Variants in ASB10 observed in about 807,000 individuals in gnomAD.
ASB10 encodes ankyrin repeat and SOCS box protein 10.
Under a neutral mutation model 35.4 loss-of-function variants are expected in ASB10, and 44 were observed. That is an observed-to-expected ratio of 1.24 (90% CI 0.98 to 1.60). The LOEUF (loss-of-function observed/expected upper bound fraction) is 1.60, where lower values mean the gene tolerates loss of function less well. ASB10 is among the 40% of genes most tolerant of loss of function. The pLI, the probability that ASB10 is intolerant of heterozygous loss-of-function variation, is 0.00. For synonymous variants in ASB10, 294 were observed against 280.4 expected (o/e 1.05, Z -0.49); for missense variants, 647 against 634.3 (o/e 1.02, Z -0.22).
chr7:151,183,878 G>T (rs930149219), intron 2 of ASB10, among the ~76,000 whole-genome samples: 3 of 152,126 alleles, frequency 2.0e-5, no homozygotes, highest in African/African-American at 7.2e-5. Flanking sequence ...GAGCCACTGC[G>T]CCCGGCCTCA....
chr7:151,186,360 G>C (rs757421848), intron 2 of ASB10, 32 bp downstream of exon 2: 1 of 1,551,784 alleles, frequency 6.4e-7, no homozygotes, highest in East Asian at 2.4e-5. Flanking sequence ...CCTTCAGAGT[G>C]GAACTGGGGG....
At chr7:151,187,737 G>T, upstream of ASB10, 1 of 1,457,794 alleles carries the variant, frequency 6.9e-7, no homozygotes, top group South Asian at 1.4e-5. This position sits in a 1 kb window ranked among gnomAD's most constrained non-coding sequence, Gnocchi z 5.3. Context: ...TGTTCTGGGA[G>T]AGCCAAAGCA....
chr7:151,182,839 G>C (rs1801519787), intron 2 of ASB10, among the ~76,000 whole-genome samples: 1 of 152,160 alleles, frequency 6.6e-6, no homozygotes, highest in African/African-American at 2.4e-5. Flanking sequence ...ACACTTGGCA[G>C]GGGGAGTGGG....
At chr7:151,179,071 A>T (rs1801440808) in intron 3 of ASB10, among the ~76,000 whole-genome samples, 1 of 152,224 alleles carries the variant, frequency 6.6e-6, no homozygotes, top group Non-Finnish European at 1.5e-5. Flanking sequence ...ATGTCCAATG[A>T]TACCCTCATT....
At chr7:151,178,677 G>T (rs966433386) in intron 3 of ASB10, among the ~76,000 whole-genome samples, 4 of 152,220 alleles carry the variant, frequency 2.6e-5, no homozygotes, top group African/African-American at 9.6e-5. Flanking sequence ...CTGTCTGTCA[G>T]ACGAGAGTAC....
chr7:151,182,406 C>T (rs181182670), intron 2 of ASB10, among the ~76,000 whole-genome samples: 467 of 152,146 alleles, frequency 3.1e-3, no homozygotes, highest in Non-Finnish European at 4.9e-3. Flanking sequence ...GGTGAACCCC[C>T]GTCTCTACTA....
chr7:151,187,102 C>T lies in ASB10; in HGVS notation c.29G>A (p.Cys10Tyr), dbSNP rs1305528217. The T allele has an allele frequency of 1.3e-6, 2 of 1,598,436 alleles. No individual in the cohort carries two copies. The highest frequency in any genetic ancestry group is 1.7e-6 in the Non-Finnish European group (2 of 1,172,748). Residue 10 changes from cysteine (C) to tyrosine (Y), a missense_variant, in exon 1 of 6, where the codon TGC becomes TAC. Cys to Tyr is a radical substitution (Grantham distance 194, BLOSUM62 -2). Transcript: ENST00000420175. The surrounding 1 kb of genome is among the most constrained non-coding windows in gnomAD (Gnocchi z 5.3). MLMSWSPEE[C>Y]KGQGEPLDDR... ...ATCGAGGGGCTCTCCCTGCCCCTTG[C>T]ACTCTTCTGGAGACCAACTCATGAG...
Position 151,181,150 on chromosome 7 carries a change from A to G in ASB10, c.893T>C (p.Leu298Pro), listed in dbSNP as rs761566214. 3.1e-6 allele frequency: 5 copies of G among 1,610,256 alleles called. No individual in the cohort carries two copies. Among genetic ancestry groups the G allele is most frequent in the Non-Finnish European group, 4.2e-6 (5 of 1,178,170 alleles). The change falls in exon 3 of 6, where the codon CTG (leucine) becomes CCG (proline). Residue 298 changes from leucine to proline, a missense_variant. Coordinates refer to ENST00000420175, the MANE Select transcript of ASB10 (RefSeq NM_001142459.2). Reference sequence around the variant, plus strand: ...ATGGCCACGGCGGCAGGCCAGGTGCAGGGGTCGCTGCTTGTCCTGGTCCGC... The same window carrying G: ...ATGGCCACGGCGGCAGGCCAGGTGCGGGGGTCGCTGCTTGTCCTGGTCCGC... ...DAADQDKQRP[L>P]HLACRRGHAA...
chr7:151,186,303 GTCCCTGACATTTTCCCCCATCC>G, intron 2 of ASB10, 67 bp downstream of exon 2: 1 of 1,454,116 alleles, frequency 6.9e-7, no homozygotes, highest in South Asian at 1.4e-5. Flanking sequence ...TCTGTCCCAG[GTCCCTGACATTTTCCCCCATCC>G]TCCCTGAGAA....
chr7:151,181,602 A>C (rs1801496217), intron 2 of ASB10, 144 bp from the exon 3 acceptor site: 28 of 1,306,414 alleles, frequency 2.1e-5, no homozygotes, highest in East Asian at 2.6e-5. Flanking sequence ...CTGCAAGATC[A>C]ACAGTGCCCT....
At position 151,181,309 on chromosome 7, in the gene ASB10, T is replaced by C. The variant is rs768167819; in HGVS notation, c.734A>G (p.Asn245Ser). 2 of 1,613,258 alleles carry C rather than the reference T, an allele frequency of 1.2e-6. No homozygotes were observed. Among genetic ancestry groups the C allele is most frequent in the East Asian group, 4.5e-5 (2 of 44,882 alleles). ...LRRGACPDAR[N>S]AEGWTPLLAA... The stretch of plus-strand genomic sequence containing the variant: ...CAGCAGTGGGGTCCAGCCTTCGGCA[T>C]TGCGGGCATCAGGACATGCCCCCCG... Residue 245 changes from asparagine to serine, a missense_variant, in exon 3 of 6, where the codon AAT (asparagine) becomes AGT (serine). Asn to Ser is a conservative substitution (Grantham distance 46). Coordinates refer to ENST00000420175, the MANE Select transcript of ASB10 (RefSeq NM_001142459.2).
chr7:151,177,768 A>C (rs1364428253), intron 3 of ASB10, among the ~76,000 whole-genome samples: 1 of 152,218 alleles, frequency 6.6e-6, no homozygotes, highest in East Asian at 1.9e-4. Flanking sequence ...GGTGGAACCT[A>C]GTTGGAGCCA....
At chr7:151,184,758 C>T (rs146222659) in intron 2 of ASB10, among the ~76,000 whole-genome samples, 4 of 152,056 alleles carry the variant, frequency 2.6e-5, no homozygotes, top group Admixed American at 2.0e-4. Context: ...CACGGTGGCT[C>T]GTGCCTGGAA....
rs191838657 is a variant in ASB10 at position 151,176,347 on chromosome 7, A to G, written c.1219-50T>C. The G allele has an allele frequency of 7.9e-4, 1,192 of 1,512,522 alleles. 1 individual carries two copies. Among genetic ancestry groups the G allele is most frequent in the Non-Finnish European group, 8.6e-4 (967 of 1,130,974 alleles). The allele number at this position is 1,512,522 out of a possible 1,614,324, so 93.7% of individuals were successfully genotyped here. A position where few individuals can be genotyped will look rare whatever the true frequency, so the allele number is the denominator to read the frequency against. On this transcript the variant is annotated intron_variant, in intron 4 of 5. Coordinates refer to ENST00000420175, the MANE Select transcript of ASB10 (RefSeq NM_001142459.2). ...TGAGAGGCAGCCTCAGACAGGTAGC[A>G]CCGGCTCCTCCTCACAGGGTAGGCT...
intron 2 of ASB10, among the ~76,000 whole-genome samples, chr7:151,183,299 G>A (rs943015665): frequency 6.6e-6 from 1 of 152,218 alleles, no homozygotes; most frequent in African/African-American, 2.4e-5. Context: ...CATCTACTCT[G>A]TAGGCTGAGG....
chr7:151,186,481 A>G lies in ASB10; in HGVS notation c.495T>C (p.His165=), dbSNP rs1281811765. The change falls in exon 2 of 6, where the codon CAT becomes CAC. Residue 165 remains histidine (H), a synonymous_variant. Coordinates refer to ENST00000420175, the MANE Select transcript of ASB10 (RefSeq NM_001142459.2). ...ACAAGHTACV[H]VLLVAGADPN... ...GGTCGGCTCCTGCCACCAGCAGCACATGAACACAGGCAGTGTGGCCTGCAG... is the reference window on the plus strand; with the variant it reads ...GGTCGGCTCCTGCCACCAGCAGCACGTGAACACAGGCAGTGTGGCCTGCAG... 3 of 1,599,630 alleles carry G rather than the reference A, an allele frequency of 1.9e-6. No individual in the cohort carries two copies. Among genetic ancestry groups the G allele is most frequent in the Non-Finnish European group, 2.6e-6 (3 of 1,173,468 alleles).
At chr7:151,183,737 C>A (rs1438778757) in intron 2 of ASB10, among the ~76,000 whole-genome samples, 1 of 152,158 alleles carries the variant, frequency 6.6e-6, no homozygotes, top group Admixed American at 6.5e-5. Flanking sequence ...AGGTGCCCGC[C>A]ACCATGTCCA....
upstream of ASB10, chr7:151,187,761 C>A: frequency 6.9e-7 from 1 of 1,449,324 alleles, no homozygotes; most frequent in African/African-American, 1.4e-5. This position sits in a 1 kb window ranked among gnomAD's most constrained non-coding sequence, Gnocchi z 5.3. Context: ...CGACTCCCAG[C>A]GATGTTGCTG....
upstream of ASB10, chr7:151,187,442 T>C (rs1350093156): frequency 1.3e-6 from 2 of 1,551,188 alleles, no homozygotes; most frequent in South Asian, 1.2e-5. This position sits in a 1 kb window ranked among gnomAD's most constrained non-coding sequence, Gnocchi z 5.3. Flanking sequence ...AACCCCCAGA[T>C]GCCCCTCACC....
Sources: allele counts gnomAD v4.1 joint callset (sites outside exome capture counted in the v4.1 genomes callset), GRCh38; gene constraint gnomAD v4.1.1; non-coding constraint Gnocchi (gnomAD v3.1); transcripts MANE v1.5; gene names NCBI Gene and HGNC (gene_info 2026-07-23, HGNC 2026-07-21).